Variants in ZMAT4 observed in about 807,000 individuals in gnomAD.
ZMAT4 encodes zinc finger matrin-type protein 4.
A neutral mutation model predicts 28.7 loss-of-function variants in ZMAT4; 17 were observed. The observed-to-expected ratio is 0.59, with a 90% CI of 0.41 to 0.89. The LOEUF is 0.89. Among genes scored for constraint, ZMAT4 ranks in the 40% least tolerant of loss-of-function variants. The pLI, the probability that ZMAT4 is intolerant of heterozygous loss-of-function variation, is 0.00. For synonymous variants in ZMAT4, 117 were observed against 109.2 expected (o/e 1.07, Z -0.44); for missense variants, 240 against 283.8 (o/e 0.85, Z 1.11).
chr8:40,803,413 A>G (rs769884811), intron 2 of ZMAT4, among the ~76,000 whole-genome samples: 70 of 152,198 alleles, frequency 4.6e-4, no homozygotes, highest in South Asian at 8.3e-4. Context: ...ACACAACCCC[A>G]CTAAAAAATG....
intron 5 of ZMAT4, among the ~76,000 whole-genome samples, chr8:40,667,357 T>C (rs1008481784): frequency 2.6e-5 from 4 of 152,054 alleles, no homozygotes; most frequent in African/African-American, 4.8e-5. Flanking sequence ...GGTTTCACAG[T>C]GTTAATCAGG....
intron 2 of ZMAT4, among the ~76,000 whole-genome samples, chr8:40,782,096 T>A (rs1268814351): frequency 2.0e-5 from 3 of 152,104 alleles, no homozygotes; most frequent in Non-Finnish European, 4.4e-5. Context: ...AATTTTTAAA[T>A]GTTGTGCTTC....
chr8:40,892,833 A>C (rs555238270), intron 1 of ZMAT4, among the ~76,000 whole-genome samples: 2 of 152,342 alleles, frequency 1.3e-5, no homozygotes, highest in South Asian at 4.1e-4. Flanking sequence ...CTCTAGGCTC[A>C]GGGAAATAGG....
At chr8:40,738,567 G>C (rs1811872265) in intron 3 of ZMAT4, among the ~76,000 whole-genome samples, 1 of 152,220 alleles carries the variant, frequency 6.6e-6, no homozygotes, top group Non-Finnish European at 1.5e-5. Flanking sequence ...AAGCAGCAAG[G>C]AAGAAGTAGG....
At chr8:40,693,404 G>A (rs896695371) in intron 4 of ZMAT4, among the ~76,000 whole-genome samples, 1 of 152,124 alleles carries the variant, frequency 6.6e-6, no homozygotes, top group African/African-American at 2.4e-5. Context: ...GTATGAGCCT[G>A]CTCTCAGTCA....
chr8:40,584,553 T>TTA (rs1804600600), intron 5 of ZMAT4, among the ~76,000 whole-genome samples: 1 of 152,182 alleles, frequency 6.6e-6, no homozygotes, highest in Non-Finnish European at 1.5e-5. Flanking sequence ...TCGTGAAACT[T>TTA]GCCCTAGTTT....
chr8:40,812,709 T>C (rs1435741192), intron 2 of ZMAT4, among the ~76,000 whole-genome samples: 9 of 152,114 alleles, frequency 5.9e-5, no homozygotes, highest in Admixed American at 5.9e-4. Context: ...GGCGGGCGGA[T>C]CACCTGAGGT....
At chr8:40,644,870 C>T (rs1007492934) in intron 5 of ZMAT4, among the ~76,000 whole-genome samples, 5 of 152,164 alleles carry the variant, frequency 3.3e-5, no homozygotes, top group African/African-American at 1.2e-4. Flanking sequence ...AAACACATAT[C>T]CCAGTCTAAT....
intron 1 of ZMAT4, among the ~76,000 whole-genome samples, chr8:40,860,127 T>C (rs1342293786): frequency 6.6e-6 from 1 of 152,164 alleles, no homozygotes; most frequent in Non-Finnish European, 1.5e-5. Flanking sequence ...TGGAGAATAA[T>C]ATTTGCTTAT....
At chr8:40,585,832 T>C (rs1373469542) in intron 5 of ZMAT4, among the ~76,000 whole-genome samples, 1 of 152,164 alleles carries the variant, frequency 6.6e-6, no homozygotes, top group Non-Finnish European at 1.5e-5. Context: ...CTTGTCATAA[T>C]AAATATTAAC....
chr8:40,850,023 T>C (rs1282268397), intron 1 of ZMAT4, among the ~76,000 whole-genome samples: 1 of 152,110 alleles, frequency 6.6e-6, no homozygotes, highest in Non-Finnish European at 1.5e-5. Flanking sequence ...GAGCAGGACA[T>C]GTCGCTTCGA....
At chr8:40,864,140 G>A (rs1027517943) in intron 1 of ZMAT4, among the ~76,000 whole-genome samples, 30 of 152,202 alleles carry the variant, frequency 2.0e-4, no homozygotes, top group Non-Finnish European at 8.8e-5. Flanking sequence ...TAAACCAGAG[G>A]TGGGTGTTCC....
chr8:40,725,632 C>T (rs1811287470), intron 3 of ZMAT4, among the ~76,000 whole-genome samples: 1 of 152,078 alleles, frequency 6.6e-6, no homozygotes, highest in South Asian at 2.1e-4. Context: ...GGCTTATGTA[C>T]ACTAAATATC....
intron 5 of ZMAT4, among the ~76,000 whole-genome samples, chr8:40,600,115 C>T (rs1805248820): frequency 6.6e-6 from 1 of 152,230 alleles, no homozygotes; most frequent in Non-Finnish European, 1.5e-5. Flanking sequence ...CCCTGTGCTG[C>T]TCACTAAATG....
chr8:40,636,208 A>G (rs1357161126), intron 5 of ZMAT4, among the ~76,000 whole-genome samples: 1 of 152,264 alleles, frequency 6.6e-6, no homozygotes, highest in Non-Finnish European at 1.5e-5. Flanking sequence ...ACACATACAC[A>G]TATACATACA....
chr8:40,861,530 T>C (rs1434903763), intron 1 of ZMAT4, among the ~76,000 whole-genome samples: 2 of 152,140 alleles, frequency 1.3e-5, no homozygotes, highest in Non-Finnish European at 2.9e-5. Context: ...ACTTCGTGTC[T>C]AAAACACCAA....
At chr8:40,693,289 A>AT (rs1246963140) in intron 4 of ZMAT4, among the ~76,000 whole-genome samples, 1 of 151,784 alleles carries the variant, frequency 6.6e-6, no homozygotes, top group Non-Finnish European at 1.5e-5. Flanking sequence ...GCTAATTTTT[A>AT]TTTTTTTGTA....
chr8:40,865,348 A>C (rs1817639009), intron 1 of ZMAT4, among the ~76,000 whole-genome samples: 1 of 152,208 alleles, frequency 6.6e-6, no homozygotes, highest in Non-Finnish European at 1.5e-5. Flanking sequence ...TTCCAGAAAA[A>C]AGAAATCTTC....
chr8:40,676,114 C>A (rs1186690515), intron 4 of ZMAT4, among the ~76,000 whole-genome samples: 2 of 152,152 alleles, frequency 1.3e-5, no homozygotes, highest in African/African-American at 4.8e-5. Context: ...TATCCCATTT[C>A]TCAGATGAGA....
Sources: allele counts gnomAD v4.1 joint callset (sites outside exome capture counted in the v4.1 genomes callset), GRCh38; gene constraint gnomAD v4.1.1; transcripts MANE v1.5; gene names NCBI Gene and HGNC (gene_info 2026-07-23, HGNC 2026-07-21).